CDH20: variants seen among roughly 807,000 people sequenced by gnomAD.
CDH20 encodes the protein cadherin 20.
Under a neutral mutation model 74.2 loss-of-function variants are expected in CDH20, and 29 were observed. The ratio of observed to expected loss-of-function variants is 0.39; its 90% CI spans 0.29 to 0.53. The LOEUF is 0.53. Among genes scored for constraint, CDH20 ranks in the 20% least tolerant of loss-of-function variants. CDH20 has a pLI of 0.69. For synonymous variants in CDH20, 469 were observed against 405.4 expected (o/e 1.16, Z -1.88); for missense variants, 988 against 1,048.3 (o/e 0.94, Z 0.79).
intron 6 of CDH20, among the ~76,000 whole-genome samples, chr18:61,512,333 A>G (rs1055853752): frequency 6.6e-6 from 1 of 152,166 alleles, no homozygotes; most frequent in Admixed American, 6.5e-5. Flanking sequence ...CATATCTTCC[A>G]TCTTACGACA....
chr18:61,485,400 T>G (rs1187823970), intron 1 of CDH20, among the ~76,000 whole-genome samples: 1 of 152,058 alleles, frequency 6.6e-6, no homozygotes, highest in East Asian at 1.9e-4. Flanking sequence ...AGAGTACAAC[T>G]CAAAATTCAG....
intron 6 of CDH20, among the ~76,000 whole-genome samples, chr18:61,517,695 T>TTG (rs1555682483): frequency 0.92 from 140,575 of 152,004 alleles, 65,259 homozygotes; most frequent in East Asian, 0.97. Flanking sequence ...TGCAGTTTTT[T>TTG]TTGTTGTTGT....
chr18:61,397,974 G>A (rs1599058333), intron 1 of CDH20, among the ~76,000 whole-genome samples: 1 of 152,156 alleles, frequency 6.6e-6, no homozygotes, highest in Non-Finnish European at 1.5e-5. Context: ...ATGAATGAAC[G>A]CTACAACTCC....
intron 1 of CDH20, among the ~76,000 whole-genome samples, chr18:61,447,814 A>G (rs757268137): frequency 1.3e-5 from 2 of 152,132 alleles, no homozygotes; most frequent in Non-Finnish European, 2.9e-5. Flanking sequence ...CGACTCTCAC[A>G]TATACATGAG....
intron 1 of CDH20, among the ~76,000 whole-genome samples, chr18:61,431,931 T>C (rs1036014179): frequency 6.6e-6 from 1 of 152,058 alleles, no homozygotes; most frequent in Admixed American, 6.6e-5. Flanking sequence ...CATGAACGCT[T>C]TGTATTTAGA....
chr18:61,391,611 CACATATAT>C (rs1911783028), intron 1 of CDH20: 2 of 152,158 alleles, frequency 1.3e-5, no homozygotes, highest in Admixed American at 1.3e-4. Flanking sequence ...GCTTCAGCAG[CACATATAT>C]ACTAAAATTG....
chr18:61,421,473 T>TG (rs1489818509), intron 1 of CDH20, among the ~76,000 whole-genome samples: 1 of 152,220 alleles, frequency 6.6e-6, no homozygotes, highest in East Asian at 1.9e-4. Context: ...CGGGCTTAAA[T>TG]GTTTCACTAT....
chr18:61,503,260 T>C, intron 5 of CDH20, 140 bp downstream of exon 5: 2 of 581,732 alleles, frequency 3.4e-6, no homozygotes, highest in Non-Finnish European at 5.8e-6. Context: ...CATCATGCAA[T>C]TCTCGCATAA....
rs199983919 is a variant in CDH20, at chr18:61,344,691, T to TA, written c.-153+10871dup. ...TGAGCAAAATAAGGTTTTTAGGGCT[T>TA]AAAAAAATGTCTATGGAAGAAAGAT... On this transcript the variant is annotated intron_variant, in intron 1 of 11. Coordinates refer to ENST00000262717, the MANE Select transcript of CDH20 (RefSeq NM_031891.4). Among the ~76,000 whole-genome samples the TA allele has an allele frequency of 9.0e-3, 1,370 of 152,230 alleles. 19 individuals are homozygous for TA. The highest frequency in any genetic ancestry group is 0.032 in the African/African-American group (1,310 of 41,536).
intron 1 of CDH20, among the ~76,000 whole-genome samples, chr18:61,347,471 G>A (rs1458872249): frequency 6.6e-6 from 1 of 150,460 alleles, no homozygotes; most frequent in Non-Finnish European, 1.5e-5. Context: ...AGTGAGCCAA[G>A]ATCGTGCCAC....
chr18:61,383,542 C>T (rs905406702), intron 1 of CDH20, among the ~76,000 whole-genome samples: 2 of 151,968 alleles, frequency 1.3e-5, no homozygotes, highest in African/African-American at 4.8e-5. Flanking sequence ...GATTGTGCCA[C>T]TGCACTCCAG....
chr18:61,426,861 T>G (rs1177352905), intron 1 of CDH20, among the ~76,000 whole-genome samples: 1 of 152,170 alleles, frequency 6.6e-6, no homozygotes, highest in Non-Finnish European at 1.5e-5. Context: ...GTATCCCTGG[T>G]AATCTCTGTG....
At chr18:61,507,631 G>A in intron 6 of CDH20, 71 bp downstream of exon 6, 1 of 1,120,052 alleles carries the variant, frequency 8.9e-7, no homozygotes, top group Non-Finnish European at 1.3e-6. Flanking sequence ...AGTAAGGACT[G>A]TTGTATTATT....
intron 1 of CDH20, among the ~76,000 whole-genome samples, chr18:61,464,649 C>T (rs1204488739): frequency 6.6e-6 from 1 of 152,216 alleles, no homozygotes; most frequent in Non-Finnish European, 1.5e-5. Flanking sequence ...ACTATCCTCA[C>T]TACAGAATCA....
At chr18:61,385,682 T>C (rs891129420) in intron 1 of CDH20, among the ~76,000 whole-genome samples, 8 of 152,080 alleles carry the variant, frequency 5.3e-5, no homozygotes, top group East Asian at 3.9e-4. Flanking sequence ...CCTGTAATCC[T>C]AGCACTTTGG....
At position 61,422,433 on chromosome 18, in the gene CDH20, AAAAT is replaced by A. The variant is rs768453056; in HGVS notation, c.-152-67955_-152-67952del. ...AAAAAATAATGTTGCTACAGGGCAAAAAATAAATAAATAAATAGCCACATTAATG... is the reference window on the plus strand; with the variant it reads ...AAAAAATAATGTTGCTACAGGGCAAAAAATAAATAAATAGCCACATTAATG... On this transcript the variant is annotated intron_variant, in intron 1 of 11. Transcript: ENST00000262717. Among the ~76,000 whole-genome samples the A allele has an allele frequency of 5.3e-5, 8 of 152,172 alleles. No individual in the cohort carries two copies. The East Asian group carries it at 1.3e-3, about 26-fold the overall frequency.
At chr18:61,506,819 G>A (rs1281018294) in intron 5 of CDH20, among the ~76,000 whole-genome samples, 2 of 152,266 alleles carry the variant, frequency 1.3e-5, no homozygotes, top group Middle Eastern at 3.4e-3. Flanking sequence ...GACACACTGA[G>A]GGGCAGCACA....
chr18:61,496,125 CCT>C (rs1328495887), intron 2 of CDH20, among the ~76,000 whole-genome samples: 1 of 56,270 alleles, frequency 1.8e-5, no homozygotes, highest in South Asian at 9.1e-4. Context: ...TTCCTCTCCC[CCT>C]CTCTCCTCCC....
intron 9 of CDH20, among the ~76,000 whole-genome samples, chr18:61,542,764 T>C (rs1436707104): frequency 1.3e-5 from 2 of 152,102 alleles, no homozygotes; most frequent in Non-Finnish European, 2.9e-5. Flanking sequence ...CTCAAGCTGC[T>C]TCCATGCATG....
Sources: gnomAD v4.1 joint callset for allele counts (sites outside exome capture counted in the v4.1 genomes callset) on GRCh38, gnomAD v4.1.1 for gene constraint, MANE v1.5 for transcripts, NCBI Gene and HGNC (gene_info 2026-07-23, HGNC 2026-07-21) for gene names.